CCDC7: variants seen among roughly 807,000 people sequenced by gnomAD.
CCDC7 encodes the protein coiled-coil domain-containing protein 7.
Under a neutral mutation model 196.9 loss-of-function variants are expected in CCDC7, and 183 were observed. The observed-to-expected ratio is 0.93, with a 90% CI of 0.82 to 1.05. CCDC7 has a LOEUF of 1.05. CCDC7 is among the 50% of genes least tolerant of loss of function. CCDC7 has a pLI of 0.00. For missense variants in CCDC7, 1,540 were observed against 1,482.2 expected, an observed-to-expected ratio of 1.04 and a Z score of -0.64; for synonymous variants, 525 against 484.6, an observed-to-expected ratio of 1.08 and a Z score of -1.10.
intron 28 of CCDC7, among the ~76,000 whole-genome samples, chr10:32,777,548 T>G (rs1299719174): frequency 1.3e-5 from 2 of 152,174 alleles, no homozygotes; most frequent in African/African-American, 4.8e-5. Flanking sequence ...TGTTTTTATC[T>G]TTTATTTTTT....
intron 24 of CCDC7, among the ~76,000 whole-genome samples, chr10:32,709,170 AG>A (rs1305934626): frequency 2.8e-4 from 43 of 152,186 alleles, no homozygotes; most frequent in Non-Finnish European, 1.5e-5. Flanking sequence ...TGTCCTTTGT[AG>A]GGACATGGAT....
intron 29 of CCDC7, among the ~76,000 whole-genome samples, chr10:32,797,820 A>T (rs965104274): frequency 6.6e-6 from 1 of 152,120 alleles, no homozygotes; most frequent in Admixed American, 6.6e-5. Flanking sequence ...CTGGGTGTTG[A>T]TTCAGAGCAT....
chr10:32,537,290 G>C (rs1444871005), intron 11 of CCDC7, among the ~76,000 whole-genome samples: 1 of 152,132 alleles, frequency 6.6e-6, no homozygotes, highest in Non-Finnish European at 1.5e-5. Flanking sequence ...TTGGCTACAT[G>C]TATGTCTTCT....
intron 18 of CCDC7, among the ~76,000 whole-genome samples, chr10:32,629,059 T>C (rs1372107443): frequency 6.6e-6 from 1 of 152,170 alleles, no homozygotes; most frequent in Admixed American, 6.6e-5. Flanking sequence ...TTATTAATGT[T>C]CCATCTGTAT....
intron 41 of CCDC7, among the ~76,000 whole-genome samples, chr10:32,861,641 G>A (rs1274452149): frequency 6.6e-6 from 1 of 152,100 alleles, no homozygotes; most frequent in African/African-American, 2.4e-5. Context: ...GCAACCTACA[G>A]AATGGGAGAA....
At chr10:32,618,034 T>C (rs1289682290) in intron 18 of CCDC7, among the ~76,000 whole-genome samples, 2 of 152,052 alleles carry the variant, frequency 1.3e-5, no homozygotes, top group Non-Finnish European at 2.9e-5. Context: ...GTCTGTGTTA[T>C]CTGATTTAAC....
chr10:32,507,511 T>G (rs182954112), intron 9 of CCDC7, among the ~76,000 whole-genome samples: 8 of 152,204 alleles, frequency 5.3e-5, no homozygotes, highest in Admixed American at 5.2e-4. Flanking sequence ...AGTGCAGTGG[T>G]GCAATCTTGG....
intron 25 of CCDC7, among the ~76,000 whole-genome samples, chr10:32,712,298 T>A (rs565120755): frequency 6.6e-6 from 1 of 152,294 alleles, no homozygotes; most frequent in South Asian, 2.1e-4. Context: ...TATTTTTACT[T>A]TTCGAGTCAG....
At chr10:32,676,867 TG>T (rs2075070134) in intron 21 of CCDC7, among the ~76,000 whole-genome samples, 1 of 152,232 alleles carries the variant, frequency 6.6e-6, no homozygotes, top group Admixed American at 6.5e-5. Context: ...ATCCCATTAC[TG>T]GGTATATACC....
chr10:32,559,171 G>C (rs878898157), intron 13 of CCDC7, among the ~76,000 whole-genome samples: 1 of 152,024 alleles, frequency 6.6e-6, no homozygotes, highest in Non-Finnish European at 1.5e-5. Flanking sequence ...CAGGAAGCTC[G>C]AACTGGGTGG....
At chr10:32,652,606 A>G (rs2140184631) in intron 20 of CCDC7, among the ~76,000 whole-genome samples, 1 of 152,268 alleles carries the variant, frequency 6.6e-6, no homozygotes, top group Admixed American at 6.5e-5. Context: ...TGAGGCTTAC[A>G]GAAAACATCT....
intron 9 of CCDC7, among the ~76,000 whole-genome samples, chr10:32,514,929 A>AT: frequency 6.6e-6 from 1 of 152,328 alleles, no homozygotes; most frequent in Admixed American, 6.5e-5. Context: ...GGCCCAAGGC[A>AT]TCTTCCTGCC....
chr10:32,573,554 G>T (rs1181531667), intron 16 of CCDC7, among the ~76,000 whole-genome samples: 1 of 152,036 alleles, frequency 6.6e-6, no homozygotes, highest in East Asian at 1.9e-4. Context: ...ATTACCCCTG[G>T]CAGCCCTCAT....
At chr10:32,658,629 A>G (rs1332447644) in intron 20 of CCDC7, among the ~76,000 whole-genome samples, 2 of 152,316 alleles carry the variant, frequency 1.3e-5, no homozygotes, top group East Asian at 3.9e-4. Flanking sequence ...TGACAAATGA[A>G]TAGATAAAAA....
In CCDC7 at chr10:32,779,027, G is replaced by T. The variant is rs772633539; in HGVS notation, c.2956G>T (p.Ala986Ser). 1.9e-6 allele frequency: 3 copies of T among 1,550,234 alleles called. No homozygotes were observed. The South Asian group carries it at 3.6e-5, about 18-fold the overall frequency. The stretch of plus-strand genomic sequence containing the variant: ...TCCAGATACAGCAGAAAATCTTCCA[G>T]CAATGTACCCGTCAATTAGCGACCT... The change falls in exon 29 of 42, where the codon GCA becomes TCA. Residue 986 changes from alanine (A) to serine (S), a missense_variant. Coordinates refer to ENST00000639629, the Ensembl canonical transcript of CCDC7.
chr10:32,675,904 C>G (rs1407305318), intron 21 of CCDC7: 2 of 151,370 alleles, frequency 1.3e-5, no homozygotes, highest in African/African-American at 4.9e-5. Flanking sequence ...CATATGGAAC[C>G]AAAAAAGAGC....
chr10:32,688,901 C>T (rs1002928023), intron 22 of CCDC7, 152 bp from the exon 24 acceptor site: 2 of 586,990 alleles, frequency 3.4e-6, no homozygotes, highest in Non-Finnish European at 6.1e-6. Context: ...ACTCTTCTCA[C>T]CATTTTCATA....
At chr10:32,584,201 C>A (rs1590170407) in intron 17 of CCDC7, 31 bp from the exon 19 acceptor site, 1 of 1,287,092 alleles carries the variant, frequency 7.8e-7, no homozygotes, top group East Asian at 2.4e-5. Context: ...TATATAATTT[C>A]TAATTACTTA....
intron 39 of CCDC7, among the ~76,000 whole-genome samples, chr10:32,849,427 C>T (rs1055232069): frequency 9.2e-5 from 14 of 151,750 alleles, no homozygotes; most frequent in African/African-American, 3.1e-4. Flanking sequence ...CAAGAGGGCC[C>T]GGCGCGGTGG....
Sources: gnomAD v4.1 joint callset for allele counts (sites outside exome capture counted in the v4.1 genomes callset) on GRCh38, gnomAD v4.1.1 for gene constraint, MANE v1.5 for transcripts, NCBI Gene and HGNC (gene_info 2026-07-23, HGNC 2026-07-21) for gene names.